LDLRAD4: variants seen among roughly 807,000 people sequenced by gnomAD.
The protein encoded by LDLRAD4 is low-density lipoprotein receptor class A domain-containing protein 4.
In LDLRAD4, 5 loss-of-function variants were observed where a neutral mutation model predicts 17.0. That is an observed-to-expected ratio of 0.29 (90% CI 0.15 to 0.62). LDLRAD4 has a LOEUF of 0.62. Ranked by LOEUF, LDLRAD4 falls within the 20% of genes least tolerant of loss-of-function variation. The pLI, the probability that LDLRAD4 is intolerant of heterozygous loss-of-function variation, is 0.84. For synonymous variants in LDLRAD4, 168 were observed against 171.8 expected, an observed-to-expected ratio of 0.98 and a Z score of 0.17; for missense variants, 340 against 424.7, an observed-to-expected ratio of 0.80 and a Z score of 1.75.
intron 2 of LDLRAD4, among the ~76,000 whole-genome samples, chr18:13,402,313 G>T (rs557629686): frequency 4.2e-4 from 64 of 152,160 alleles, no homozygotes; most frequent in Middle Eastern, 3.4e-3. Flanking sequence ...ACCCTGACCC[G>T]AACTCACACT....
intron 1 of LDLRAD4, among the ~76,000 whole-genome samples, chr18:13,380,467 C>CCT (rs1215496483): frequency 6.6e-6 from 1 of 152,220 alleles, no homozygotes; most frequent in Non-Finnish European, 1.5e-5. Flanking sequence ...CAACCTGTCC[C>CCT]CTCTCCCTGA....
chr18:13,305,248 A>G (rs1464906580), intron 1 of LDLRAD4, among the ~76,000 whole-genome samples: 1 of 152,254 alleles, frequency 6.6e-6, no homozygotes, highest in Non-Finnish European at 1.5e-5. Context: ...ACACTTACAT[A>G]TATACATGGT....
At chr18:13,301,916 C>T (rs887072946) in intron 1 of LDLRAD4, among the ~76,000 whole-genome samples, 3 of 152,290 alleles carry the variant, frequency 2.0e-5, no homozygotes, top group South Asian at 2.1e-4. Flanking sequence ...GGACCAGCCC[C>T]GCTGGGCAGC....
chr18:13,536,809 T>C (rs1423295922), intron 3 of LDLRAD4, among the ~76,000 whole-genome samples: 1 of 152,238 alleles, frequency 6.6e-6, no homozygotes, highest in Non-Finnish European at 1.5e-5. Context: ...CTGTTCCTAC[T>C]TTGCTGGTAG....
At chr18:13,575,921 TTTG>T (rs1262448613) in intron 3 of LDLRAD4, among the ~76,000 whole-genome samples, 6 of 152,304 alleles carry the variant, frequency 3.9e-5, no homozygotes, top group Non-Finnish European at 5.9e-5. Flanking sequence ...GATGGGATTG[TTTG>T]TTATTTTTTC....
chr18:13,314,533 A>G (rs1203491032), intron 1 of LDLRAD4, among the ~76,000 whole-genome samples: 2 of 152,264 alleles, frequency 1.3e-5, no homozygotes, highest in Non-Finnish European at 2.9e-5. Flanking sequence ...AAAGGTGGCC[A>G]ACACTGGAGG....
intron 2 of LDLRAD4, among the ~76,000 whole-genome samples, chr18:13,418,705 G>T (rs2089166375): frequency 6.6e-6 from 1 of 152,158 alleles, no homozygotes; most frequent in Admixed American, 6.5e-5. Flanking sequence ...GCTATGATTT[G>T]CTGGCACTGC....
chr18:13,362,729 A>C (rs1107341), intron 1 of LDLRAD4: 51,052 of 152,096 alleles, frequency 0.34, 8,579 homozygotes, highest in South Asian at 0.4. Context: ...GACAAAGATG[A>C]TAAACGTTAA....
chr18:13,456,337 C>T (rs1023144697), intron 3 of LDLRAD4, among the ~76,000 whole-genome samples: 7 of 152,202 alleles, frequency 4.6e-5, no homozygotes, highest in African/African-American at 1.7e-4. Context: ...CCCTTCCTGA[C>T]CGGGGTGCCC....
intron 3 of LDLRAD4, among the ~76,000 whole-genome samples, chr18:13,592,973 A>T (rs2095047381): frequency 6.6e-6 from 1 of 152,226 alleles, no homozygotes; most frequent in South Asian, 2.1e-4. Context: ...AAATTTACAA[A>T]GTACTATTTG....
At chr18:13,532,947 C>T (rs1048878890) in intron 3 of LDLRAD4, among the ~76,000 whole-genome samples, 3 of 152,280 alleles carry the variant, frequency 2.0e-5, no homozygotes, top group East Asian at 1.9e-4. Context: ...GTAGCAATGT[C>T]GGGTTTTCTG....
chr18:13,620,003 A>T (rs1388394578), intron 3 of LDLRAD4, among the ~76,000 whole-genome samples: 1 of 151,732 alleles, frequency 6.6e-6, no homozygotes, highest in Admixed American at 6.5e-5. Flanking sequence ...GTGGAAGTGG[A>T]GGGCCGTGCT....
At chr18:13,322,782 T>C (rs2081325218) in intron 1 of LDLRAD4, among the ~76,000 whole-genome samples, 1 of 120,646 alleles carries the variant, frequency 8.3e-6, no homozygotes, top group African/African-American at 2.8e-5. Context: ...CATACATGGC[T>C]AATTTTTTTT....
intron 5 of LDLRAD4, among the ~76,000 whole-genome samples, chr18:13,643,927 C>A (rs778611335): frequency 3.3e-5 from 5 of 151,652 alleles, no homozygotes; most frequent in Non-Finnish European, 7.4e-5. Flanking sequence ...TGTGTATGTA[C>A]GTATATAAAA....
At chr18:13,631,881 C>T (rs547969201) in intron 4 of LDLRAD4, among the ~76,000 whole-genome samples, 5 of 151,992 alleles carry the variant, frequency 3.3e-5, no homozygotes, top group East Asian at 1.9e-4. Flanking sequence ...GACCTGAGAT[C>T]GTGCCACTGT....
chr18:13,479,576 G>A (rs868658427), intron 3 of LDLRAD4, among the ~76,000 whole-genome samples: 6 of 151,908 alleles, frequency 3.9e-5, no homozygotes, highest in East Asian at 3.9e-4. Flanking sequence ...AGCTGAGATC[G>A]CACCATGGCA....
rs148604748 is a variant in LDLRAD4 at position 13,636,794 on chromosome 18, C to T, written c.337-6565C>T. Among the ~76,000 whole-genome samples, 443 of 149,912 alleles carry T rather than the reference C, an allele frequency of 3.0e-3. 3 individuals carry two copies. The highest frequency in any genetic ancestry group is 0.01 in the African/African-American group (415 of 40,406). On this transcript the variant is annotated intron_variant, in intron 4 of 5. Coordinates refer to ENST00000359446, the Ensembl canonical transcript of LDLRAD4. ...GGATCACAAGCGTAAACCACCGCAC[C>T]CAGCAATTTTTTTTTTTTTCGAGAT...
intron 3 of LDLRAD4, among the ~76,000 whole-genome samples, chr18:13,549,144 T>A (rs1408682470): frequency 6.6e-6 from 1 of 152,112 alleles, no homozygotes; most frequent in East Asian, 1.9e-4. Context: ...GAGATGGCAT[T>A]ATGATGTTTC....
At chr18:13,475,418 A>G in intron 3 of LDLRAD4, among the ~76,000 whole-genome samples, 1 of 126,930 alleles carries the variant, frequency 7.9e-6, no homozygotes, top group African/African-American at 2.9e-5. Flanking sequence ...TCGCCACCAC[A>G]CCCCGCTGAT....
Sources: gnomAD v4.1 joint callset for allele counts (sites outside exome capture counted in the v4.1 genomes callset) on GRCh38, gnomAD v4.1.1 for gene constraint, MANE v1.5 for transcripts, NCBI Gene and HGNC (gene_info 2026-07-23, HGNC 2026-07-21) for gene names.